The following WWOX variants were observed in gnomAD, a reference collection of about 807,000 sequenced individuals.
The protein encoded by WWOX is WW domain containing oxidoreductase.
In WWOX, 69 loss-of-function variants were observed where a neutral mutation model predicts 46.2. That is an observed-to-expected ratio of 1.49 (90% CI 1.23 to 1.82). The LOEUF (loss-of-function observed/expected upper bound fraction) is 1.82, where lower values mean the gene tolerates loss of function less well. WWOX is among the 40% of genes most tolerant of loss of function. The pLI, the probability that WWOX is intolerant of heterozygous loss-of-function variation, is 0.00. For synonymous variants in WWOX, 359 were observed against 202.6 expected, an observed-to-expected ratio of 1.77 and a Z score of -6.56; for missense variants, 919 against 542.6, an observed-to-expected ratio of 1.69 and a Z score of -6.89.
chr16:79,053,489 A>G (rs1463166537), intron 8 of WWOX, among the ~76,000 whole-genome samples: 1 of 152,224 alleles, frequency 6.6e-6, no homozygotes, highest in Non-Finnish European at 1.5e-5. Flanking sequence ...TAATTTGCAC[A>G]GTAAGGTAAT....
At chr16:79,033,280 T>C (rs182161572) in intron 8 of WWOX, among the ~76,000 whole-genome samples, 3 of 147,652 alleles carry the variant, frequency 2.0e-5, no homozygotes, top group Admixed American at 1.4e-4. Flanking sequence ...CACCAAATAT[T>C]TATATATATA....
In WWOX at chr16:78,900,481, C is replaced by T. The variant is rs77263005; in HGVS notation, c.1057-311127C>T. On this transcript the variant is annotated intron_variant, in intron 8 of 8. Coordinates refer to ENST00000566780, the MANE Select transcript of WWOX (RefSeq NM_016373.4). ...GATTCATGAAACAGTGAAGATCCTG[C>T]CTCACAACTTTCAAGAAACCCACAG... 9.7e-3 allele frequency among the ~76,000 whole-genome samples: 1,473 copies of T among 152,214 alleles called. 17 individuals carry two copies. The highest frequency in any genetic ancestry group is 0.016 in the Non-Finnish European group (1,105 of 67,994).
intron 5 of WWOX, among the ~76,000 whole-genome samples, chr16:78,370,977 T>C: frequency 2.2e-5 from 1 of 46,466 alleles, no homozygotes; most frequent in Non-Finnish European, 9.4e-5. Context: ...TGTGTTGTGA[T>C]TTCTTTTTTT....
At chr16:78,589,194 T>C (rs958219320) in intron 8 of WWOX, among the ~76,000 whole-genome samples, 2 of 152,208 alleles carry the variant, frequency 1.3e-5, no homozygotes, top group Non-Finnish European at 2.9e-5. Context: ...TTTGTTATTT[T>C]TTAGAGTTTC....
chr16:78,622,004 CTTGGGCTAG>C (rs1443192438), intron 8 of WWOX, among the ~76,000 whole-genome samples: 1 of 152,126 alleles, frequency 6.6e-6, no homozygotes, highest in Non-Finnish European at 1.5e-5. Flanking sequence ...CAATGTCATT[CTTGGGCTAG>C]TTGAAGGAAA....
intron 8 of WWOX, among the ~76,000 whole-genome samples, chr16:78,853,459 T>C (rs546494560): frequency 6.6e-6 from 1 of 152,258 alleles, no homozygotes; most frequent in African/African-American, 2.4e-5. Context: ...TTATCATTAT[T>C]TATTTAGTTA....
intron 8 of WWOX, among the ~76,000 whole-genome samples, chr16:78,881,746 G>C (rs958644451): frequency 1.3e-5 from 2 of 152,148 alleles, no homozygotes; most frequent in African/African-American, 2.4e-5. Context: ...TTTTCTTTCT[G>C]GCTTGTCTAC....
intron 8 of WWOX, among the ~76,000 whole-genome samples, chr16:79,073,697 A>G (rs982459631): frequency 2.6e-5 from 4 of 152,288 alleles, no homozygotes; most frequent in Middle Eastern, 6.8e-3. Context: ...CTTTGCAGCT[A>G]GAGTGATCCT....
chr16:78,260,832 GA>G (rs2079213789), intron 5 of WWOX, among the ~76,000 whole-genome samples: 1 of 149,426 alleles, frequency 6.7e-6, no homozygotes, highest in Non-Finnish European at 1.5e-5. Context: ...AGCTATTGGG[GA>G]GGCTGAGGCA....
At chr16:79,068,602 G>A (rs546391898) in intron 8 of WWOX, among the ~76,000 whole-genome samples, 39 of 151,756 alleles carry the variant, frequency 2.6e-4, no homozygotes, top group Non-Finnish European at 4.4e-4. Flanking sequence ...CTAGGAGTTC[G>A]AGACCTGGGC....
chr16:78,484,239 C>T (rs1043560936), intron 8 of WWOX, among the ~76,000 whole-genome samples: 1 of 152,158 alleles, frequency 6.6e-6, no homozygotes, highest in African/African-American at 2.4e-5. Context: ...TTGTACCTTT[C>T]TCTTTAGGCC....
chr16:78,142,555 A>C (rs759094343), intron 4 of WWOX, among the ~76,000 whole-genome samples: 1 of 152,248 alleles, frequency 6.6e-6, no homozygotes, highest in African/African-American at 2.4e-5. Context: ...CAAGTATGCC[A>C]GAAAAGCATC....
chr16:79,183,202 C>T lies in WWOX; in HGVS notation c.1057-28406C>T, dbSNP rs575160025. On this transcript the variant is annotated intron_variant, in intron 8 of 8. Transcript: ENST00000566780. ...ACCATGAGGCAGGGCTAGCCTTGCC[C>T]ACTGTCTGTGGCTGACCAGCTAGAC... 1.2e-4 allele frequency among the ~76,000 whole-genome samples: 18 copies of T among 152,282 alleles called. No individual in the cohort carries two copies. In the South Asian group the frequency reaches 3.7e-3, roughly 32 times the overall value.
intron 6 of WWOX, among the ~76,000 whole-genome samples, chr16:78,388,452 C>A (rs2082105416): frequency 6.6e-6 from 1 of 151,254 alleles, no homozygotes; most frequent in Admixed American, 6.6e-5. Context: ...TCAAGACCAT[C>A]CTGGCCAACA....
intron 8 of WWOX, among the ~76,000 whole-genome samples, chr16:78,511,334 C>CCAA (rs774103280): frequency 4.6e-5 from 7 of 152,102 alleles, no homozygotes; most frequent in Non-Finnish European, 7.4e-5. Flanking sequence ...ACACTATGAC[C>CCAA]GTTGACGAAG....
chr16:78,117,940 T>G (rs892663153), intron 4 of WWOX, among the ~76,000 whole-genome samples: 1 of 152,150 alleles, frequency 6.6e-6, no homozygotes, highest in Admixed American at 6.6e-5. Flanking sequence ...GGATTTATTT[T>G]GAAAGTGGTG....
intron 8 of WWOX, among the ~76,000 whole-genome samples, chr16:78,959,741 T>C (rs1290884255): frequency 6.6e-6 from 1 of 152,180 alleles, no homozygotes; most frequent in Admixed American, 6.5e-5. Context: ...AGCCTTTCCA[T>C]GACCAAATGC....
chr16:78,956,768 C>A (rs1295101480), intron 8 of WWOX, among the ~76,000 whole-genome samples: 1 of 152,130 alleles, frequency 6.6e-6, no homozygotes, highest in African/African-American at 2.4e-5. Context: ...ATCTGCTGAG[C>A]CCAGCCTCAG....
chr16:78,293,059 C>T (rs1344170649), intron 5 of WWOX, among the ~76,000 whole-genome samples: 1 of 152,306 alleles, frequency 6.6e-6, no homozygotes, highest in East Asian at 1.9e-4. Context: ...ACTTTAGCCT[C>T]CAAGGTATCT....
Sources: gnomAD v4.1 joint callset for allele counts (sites outside exome capture counted in the v4.1 genomes callset) on GRCh38, gnomAD v4.1.1 for gene constraint, MANE v1.5 for transcripts, NCBI Gene and HGNC (gene_info 2026-07-23, HGNC 2026-07-21) for gene names.